Variants in RAPGEF6 observed in about 807,000 individuals in gnomAD.
The protein encoded by RAPGEF6 is Rap guanine nucleotide exchange factor 6.
Under a neutral mutation model 171.4 loss-of-function variants are expected in RAPGEF6, and 56 were observed. That is an observed-to-expected ratio of 0.33 (90% CI 0.26 to 0.41). The LOEUF (loss-of-function observed/expected upper bound fraction) is 0.41. Among genes scored for constraint, RAPGEF6 ranks in the 10% least tolerant of loss-of-function variants. The pLI is 1.00. For missense variants in RAPGEF6, 1,674 were observed against 1,921.4 expected, an observed-to-expected ratio of 0.87 and a Z score of 2.41; for synonymous variants, 692 against 650.1, an observed-to-expected ratio of 1.06 and a Z score of -0.98.
intron 1 of RAPGEF6, among the ~76,000 whole-genome samples, chr5:131,618,371 C>T (rs1176771704): frequency 6.6e-6 from 1 of 152,130 alleles, no homozygotes; most frequent in Non-Finnish European, 1.5e-5. Context: ...TGGTCCACAA[C>T]TATAATCCCA....
At chr5:131,464,361 G>A (rs1754171549) in intron 17 of RAPGEF6, 80 bp from the exon 18 acceptor site, 2 of 1,060,790 alleles carry the variant, frequency 1.9e-6, no homozygotes, top group Non-Finnish European at 2.9e-6. Context: ...GTGAAACACA[G>A]TGATCCCTCT....
intron 6 of RAPGEF6, among the ~76,000 whole-genome samples, chr5:131,535,672 T>C (rs577846859): frequency 6.6e-6 from 1 of 152,280 alleles, no homozygotes; most frequent in African/African-American, 2.4e-5. Context: ...ATTCAAATCA[T>C]GACAAAATAC....
At chr5:131,627,834 T>G (rs1057243147) in intron 1 of RAPGEF6, among the ~76,000 whole-genome samples, 1 of 152,232 alleles carries the variant, frequency 6.6e-6, no homozygotes, top group Non-Finnish European at 1.5e-5. Flanking sequence ...GTGTCACATT[T>G]TGGTAATTCT....
chr5:131,595,306 A>G (rs930709870), intron 3 of RAPGEF6, among the ~76,000 whole-genome samples: 8 of 152,110 alleles, frequency 5.3e-5, no homozygotes, highest in Non-Finnish European at 1.2e-4. Context: ...CACCGTGGTA[A>G]GGAGTGCTTG....
intron 6 of RAPGEF6, among the ~76,000 whole-genome samples, chr5:131,538,657 G>A (rs566653236): frequency 1.3e-4 from 20 of 152,204 alleles, no homozygotes; most frequent in Non-Finnish European, 2.5e-4. Flanking sequence ...TGGATACTGA[G>A]GGACCATGGT....
chr5:131,626,677 C>A (rs909669928), intron 1 of RAPGEF6, among the ~76,000 whole-genome samples: 1 of 151,988 alleles, frequency 6.6e-6, no homozygotes, highest in Non-Finnish European at 1.5e-5. Context: ...TCTCCCAAGT[C>A]ATTGATGAAT....
chr5:131,555,206 A>C (rs1334405348), intron 5 of RAPGEF6, among the ~76,000 whole-genome samples: 1 of 152,212 alleles, frequency 6.6e-6, no homozygotes, highest in South Asian at 2.1e-4. Context: ...CTTGGTATCC[A>C]CATCTGCTAT....
At chr5:131,584,771 C>A (rs1171814991) in intron 4 of RAPGEF6, among the ~76,000 whole-genome samples, 2 of 152,166 alleles carry the variant, frequency 1.3e-5, no homozygotes, top group Non-Finnish European at 2.9e-5. Flanking sequence ...CCTGGCCCAC[C>A]AAACTATCCT....
intron 11 of RAPGEF6, 115 bp downstream of exon 11, chr5:131,504,511 G>T: frequency 9.2e-7 from 1 of 1,091,284 alleles, no homozygotes; most frequent in Non-Finnish European, 1.3e-6. Flanking sequence ...ATTTAAGTTA[G>T]ATGCCAAAGT....
At chr5:131,596,998 G>C (rs1157460978) in intron 3 of RAPGEF6, among the ~76,000 whole-genome samples, 1 of 151,990 alleles carries the variant, frequency 6.6e-6, no homozygotes, top group Admixed American at 6.6e-5. Context: ...CTCTGACAAT[G>C]GGTTAATATC....
rs147907693 is a variant in RAPGEF6 at position 131,486,631 on chromosome 5, C to T, written c.1840+2915G>A. 3.2e-3 allele frequency among the ~76,000 whole-genome samples: 489 copies of T among 151,684 alleles called. 3 individuals carry two copies. The highest frequency in any genetic ancestry group is 0.011 in the African/African-American group (465 of 41,380). Reference sequence around the variant, plus strand: ...ATTTTTCTCAACTTTATTATCTATTCTTTCAAACAAATGTTTTTGTCTGTA... The same window carrying T: ...ATTTTTCTCAACTTTATTATCTATTTTTTCAAACAAATGTTTTTGTCTGTA... On this transcript the variant is annotated intron_variant, in intron 15 of 27. Transcript: ENST00000509018.
chr5:131,570,518 AT>A (rs567705072), intron 4 of RAPGEF6, among the ~76,000 whole-genome samples: 188 of 152,288 alleles, frequency 1.2e-3, no homozygotes, highest in African/African-American at 4.1e-3. Flanking sequence ...TGATAGAAGC[AT>A]TTTTGTGACA....
intron 21 of RAPGEF6, chr5:131,450,134 G>A (rs956545619): frequency 5.2e-6 from 7 of 1,336,960 alleles, no homozygotes; most frequent in Non-Finnish European, 7.2e-6. Context: ...GAGAAACTAT[G>A]CAGACAGAAA....
chr5:131,462,182 G>T, intron 18 of RAPGEF6, 94 bp from the exon 19 acceptor site: 1 of 1,051,262 alleles, frequency 9.5e-7, no homozygotes, highest in Non-Finnish European at 1.3e-6. Flanking sequence ...TCATTTTACT[G>T]TTAATAACTT....
rs753102601 is a variant in RAPGEF6 at position 131,430,726 on chromosome 5, T to C, written c.4465+133A>G. ...CCATGAATTTTTGGGAAATAACTTG[T>C]TTGTTTGTGAAGGAAAGAAAGGTTG... On this transcript the variant is annotated intron_variant, in intron 26 of 27. Transcript: ENST00000509018. 11 of 1,257,748 alleles carry C rather than the reference T, an allele frequency of 8.7e-6. No individual in the cohort carries two copies. In the East Asian group the frequency reaches 2.3e-4, roughly 27 times the overall value. 77.9% of individuals were successfully genotyped at this position (1,257,748 alleles called of 1,614,324 possible).
intron 6 of RAPGEF6, among the ~76,000 whole-genome samples, chr5:131,526,275 C>A (rs1758865944): frequency 6.6e-6 from 1 of 152,158 alleles, no homozygotes; most frequent in Non-Finnish European, 1.5e-5. Flanking sequence ...CATTTGAGTG[C>A]CCACCATTTG....
rs1379693619 is a variant in RAPGEF6 at position 131,453,133 on chromosome 5, T to G, written c.3121A>C (p.Arg1041=). The change falls in exon 21 of 28, where the codon AGA becomes CGA. Residue 1041 remains arginine (R), a synonymous_variant. Transcript: ENST00000509018. ...VDGLVNFEKL[R]MISKEIRQVV... ...TGGCGGATTTCCTTGGAAATCATTC[T>G]TAACTTCTCAAAGTTTACTAAACCA... 1.9e-6 allele frequency: 3 copies of G among 1,613,908 alleles called. No homozygotes were observed. The Admixed American group carries it at 5.0e-5, about 27-fold the overall frequency.
chr5:131,481,790 T>A (rs1393187051), intron 15 of RAPGEF6, among the ~76,000 whole-genome samples: 1 of 152,246 alleles, frequency 6.6e-6, no homozygotes, highest in Non-Finnish European at 1.5e-5. Flanking sequence ...TAGAATAGAC[T>A]TAAATGGCTT....
intron 16 of RAPGEF6, among the ~76,000 whole-genome samples, chr5:131,474,519 A>G (rs897643903): frequency 2.0e-5 from 3 of 152,204 alleles, no homozygotes; most frequent in African/African-American, 7.2e-5. Flanking sequence ...TACTCAGTTT[A>G]TATTAAAAAG....
Sources: gnomAD v4.1 joint callset for allele counts (sites outside exome capture counted in the v4.1 genomes callset) on GRCh38, gnomAD v4.1.1 for gene constraint, MANE v1.5 for transcripts, NCBI Gene and HGNC (gene_info 2026-07-23, HGNC 2026-07-21) for gene names.